The following LRFN5 variants were observed in gnomAD, a reference collection of about 807,000 sequenced individuals.
LRFN5 encodes the protein leucine-rich repeat and fibronectin type-III domain-containing protein 5.
In LRFN5, 24 loss-of-function variants were observed where a neutral mutation model predicts 45.6. That is an observed-to-expected ratio of 0.53 (90% confidence interval 0.38 to 0.74). The LOEUF (loss-of-function observed/expected upper bound fraction) is 0.74, where lower values mean the gene tolerates loss of function less well. Ranked by LOEUF, LRFN5 falls within the 30% of genes least tolerant of loss-of-function variation. The pLI is 0.00. For missense variants in LRFN5, 776 were observed against 861.5 expected (o/e 0.90, Z 1.24); for synonymous variants, 340 against 313.8 (o/e 1.08, Z -0.88).
intron 1 of LRFN5, among the ~76,000 whole-genome samples, chr14:41,673,173 C>T (rs923985140): frequency 7.2e-5 from 11 of 152,156 alleles, no homozygotes; most frequent in Non-Finnish European, 1.2e-4. Context: ...CCTTTCCCCT[C>T]TTTCTATTCC....
intron 2 of LRFN5, among the ~76,000 whole-genome samples, chr14:41,871,876 G>A (rs1314428725): frequency 2.0e-5 from 3 of 152,040 alleles, no homozygotes; most frequent in African/African-American, 7.2e-5. Context: ...CTAAAGTTGA[G>A]GACATTAGCC....
chr14:41,805,882 T>C (rs944619718), intron 2 of LRFN5, among the ~76,000 whole-genome samples: 3 of 152,092 alleles, frequency 2.0e-5, no homozygotes, highest in Non-Finnish European at 4.4e-5. Flanking sequence ...TTTCATCATA[T>C]CATGAATCAT....
intron 1 of LRFN5, among the ~76,000 whole-genome samples, chr14:41,665,796 C>G (rs1880869601): frequency 6.6e-6 from 1 of 151,940 alleles, no homozygotes; most frequent in South Asian, 2.1e-4. Context: ...CCCGATACAT[C>G]TTATTCACTT....
At chr14:41,733,348 C>T (rs543172123) in intron 1 of LRFN5, 8 of 151,580 alleles carry the variant, frequency 5.3e-5, no homozygotes, top group African/African-American at 1.2e-4. Flanking sequence ...CATATGCAAA[C>T]GATACTAATA....
intron 1 of LRFN5, among the ~76,000 whole-genome samples, chr14:41,630,847 T>C (rs947573445): frequency 1.3e-5 from 2 of 152,118 alleles, no homozygotes; most frequent in African/African-American, 4.8e-5. Flanking sequence ...GTTTTGCTAA[T>C]TATTTATATA....
chr14:41,726,180 T>C (rs1401334609), intron 1 of LRFN5, among the ~76,000 whole-genome samples: 1 of 152,130 alleles, frequency 6.6e-6, no homozygotes, highest in East Asian at 1.9e-4. Context: ...GTATGATACA[T>C]AGTCTTTGTT....
chr14:41,632,683 T>C (rs1888586909), intron 1 of LRFN5, among the ~76,000 whole-genome samples: 2 of 152,164 alleles, frequency 1.3e-5, no homozygotes, highest in African/African-American at 2.4e-5. Context: ...GTTTGAGTTA[T>C]AAGAAAATAT....
intron 1 of LRFN5, among the ~76,000 whole-genome samples, chr14:41,718,809 T>C (rs934444005): frequency 2.4e-4 from 36 of 152,200 alleles, no homozygotes; most frequent in African/African-American, 8.0e-4. Flanking sequence ...GTGATTGACA[T>C]TAAACTGGTG....
chr14:41,645,020 T>C (rs1387096424), intron 1 of LRFN5, among the ~76,000 whole-genome samples: 2 of 152,178 alleles, frequency 1.3e-5, no homozygotes, highest in Non-Finnish European at 2.9e-5. Flanking sequence ...GAGCTTTTGG[T>C]ATGGATTAGT....
At chr14:41,858,524 A>AT (rs1293180789) in intron 2 of LRFN5, among the ~76,000 whole-genome samples, 6 of 150,634 alleles carry the variant, frequency 4.0e-5, no homozygotes, top group Non-Finnish European at 7.4e-5. Context: ...CCATAGGCTT[A>AT]TTTTTTCTCT....
At chr14:41,892,133 G>C in intron 4 of LRFN5, 171 bp downstream of exon 4, 1 of 985,282 alleles carries the variant, frequency 1.0e-6, no homozygotes, top group Non-Finnish European at 1.2e-6. Flanking sequence ...CTGTTCTGAT[G>C]GTCATAGTGG....
chr14:41,881,174 TTC>T (rs1181313788), intron 2 of LRFN5, among the ~76,000 whole-genome samples: 3 of 152,118 alleles, frequency 2.0e-5, no homozygotes, highest in African/African-American at 7.2e-5. Flanking sequence ...GGTTCATTAT[TTC>T]TCTTTTCCTT....
chr14:41,723,601 C>T (rs1037818746), intron 1 of LRFN5, among the ~76,000 whole-genome samples: 4 of 152,218 alleles, frequency 2.6e-5, no homozygotes, highest in African/African-American at 9.6e-5. Context: ...CAGGCTAGGG[C>T]ATCCAGCAAT....
intron 2 of LRFN5, among the ~76,000 whole-genome samples, chr14:41,813,038 G>T (rs1483049812): frequency 6.6e-6 from 1 of 152,120 alleles, no homozygotes; most frequent in East Asian, 1.9e-4. Context: ...AGATAGGAAA[G>T]TTGTTTCCCA....
intron 2 of LRFN5, among the ~76,000 whole-genome samples, chr14:41,834,199 G>A (rs1475111327): frequency 1.3e-5 from 2 of 152,134 alleles, no homozygotes; most frequent in East Asian, 3.9e-4. Flanking sequence ...GGGAACCTCA[G>A]TATTTTTAGA....
intron 2 of LRFN5, among the ~76,000 whole-genome samples, chr14:41,862,860 T>TC (rs1388354971): frequency 1.7e-5 from 2 of 120,946 alleles, no homozygotes; most frequent in East Asian, 7.2e-4. Context: ...TTTAAGTCTC[T>TC]CTTTTTTTTT....
chr14:41,632,209 C>T (rs1888561291), intron 1 of LRFN5, among the ~76,000 whole-genome samples: 1 of 152,034 alleles, frequency 6.6e-6, no homozygotes, highest in Non-Finnish European at 1.5e-5. Flanking sequence ...ATCTTAATAA[C>T]TATCATTCCT....
chr14:41,817,890 TG>T (rs1255335495), intron 2 of LRFN5, among the ~76,000 whole-genome samples: 2 of 152,126 alleles, frequency 1.3e-5, no homozygotes, highest in Non-Finnish European at 2.9e-5. Context: ...ATATAGATAG[TG>T]GTTCCTTCTG....
intron 1 of LRFN5, among the ~76,000 whole-genome samples, chr14:41,638,307 C>A (rs939221144): frequency 6.6e-6 from 1 of 151,824 alleles, no homozygotes; most frequent in Non-Finnish European, 1.5e-5. Context: ...CAAGATTGGC[C>A]CAAGCAAGAG....
Sources: gnomAD v4.1 joint callset for allele counts (sites outside exome capture counted in the v4.1 genomes callset) on GRCh38, gnomAD v4.1.1 for gene constraint, MANE v1.5 for transcripts, NCBI Gene and HGNC (gene_info 2026-07-23, HGNC 2026-07-21) for gene names.